The following NEGR1 variants were observed in gnomAD, a reference collection of about 807,000 sequenced individuals.
The protein encoded by NEGR1 is IgLON family member 4.
Under a neutral mutation model 40.9 loss-of-function variants are expected in NEGR1, and 10 were observed. That is an observed-to-expected ratio of 0.24 (90% CI 0.15 to 0.42). The LOEUF (loss-of-function observed/expected upper bound fraction) is 0.42, where lower values mean the gene tolerates loss of function less well. NEGR1 is among the 10% of genes least tolerant of loss of function. The pLI is 1.00. For synonymous variants in NEGR1, 185 were observed against 166.8 expected (o/e 1.11, Z -0.84); for missense variants, 352 against 438.9 (o/e 0.80, Z 1.77).
At chr1:71,739,897 A>G (rs1655162071) in intron 3 of NEGR1, among the ~76,000 whole-genome samples, 1 of 152,210 alleles carries the variant, frequency 6.6e-6, no homozygotes, top group Non-Finnish European at 1.5e-5. Flanking sequence ...AACAAAGTCT[A>G]GAATCTCTAC....
intron 4 of NEGR1, among the ~76,000 whole-genome samples, chr1:71,640,377 A>T (rs879802789): frequency 6.6e-6 from 1 of 152,076 alleles, no homozygotes; most frequent in Non-Finnish European, 1.5e-5. Context: ...ATGCATTGAT[A>T]TCTCAGAGTG....
intron 1 of NEGR1, among the ~76,000 whole-genome samples, chr1:72,229,063 T>G (rs1255610495): frequency 1.3e-5 from 2 of 152,040 alleles, no homozygotes; most frequent in Admixed American, 6.6e-5. Flanking sequence ...TCAGTAAAAT[T>G]AAATTCCAAA....
intron 1 of NEGR1, among the ~76,000 whole-genome samples, chr1:72,117,716 T>C (rs541418452): frequency 1.1e-3 from 170 of 151,868 alleles, no homozygotes; most frequent in African/African-American, 3.7e-3. Context: ...AAAATAAATA[T>C]CTCTTTTTGG....
chr1:72,072,682 C>G (rs115647622), intron 1 of NEGR1, among the ~76,000 whole-genome samples: 1 of 152,036 alleles, frequency 6.6e-6, no homozygotes, highest in Non-Finnish European at 1.5e-5. Context: ...CTCTGTGTAA[C>G]ACAAAGGCTG....
intron 1 of NEGR1, among the ~76,000 whole-genome samples, chr1:72,025,809 C>G (rs1553131735): frequency 1.3e-5 from 2 of 152,074 alleles, no homozygotes; most frequent in Non-Finnish European, 1.5e-5. Context: ...AGCAGCCTTA[C>G]TTTTAAGAAA....
intron 6 of NEGR1, among the ~76,000 whole-genome samples, chr1:71,493,211 C>G (rs979082975): frequency 6.6e-6 from 1 of 152,238 alleles, no homozygotes; most frequent in Admixed American, 6.6e-5. Flanking sequence ...AATCCAGGCT[C>G]TCCCTCATCT....
intron 3 of NEGR1, among the ~76,000 whole-genome samples, chr1:71,703,973 G>T (rs1014776728): frequency 6.6e-6 from 1 of 151,650 alleles, no homozygotes; most frequent in Non-Finnish European, 1.5e-5. Flanking sequence ...AGTAGACAAA[G>T]AAATAAAAAT....
chr1:72,203,346 A>T (rs1653281466), intron 1 of NEGR1, among the ~76,000 whole-genome samples: 1 of 152,110 alleles, frequency 6.6e-6, no homozygotes, highest in South Asian at 2.1e-4. Context: ...GACTTTGAGC[A>T]GTTCAAATCT....
intron 6 of NEGR1, among the ~76,000 whole-genome samples, chr1:71,472,069 G>A: frequency 6.6e-6 from 1 of 152,086 alleles, no homozygotes. Context: ...TTTCAGTTTA[G>A]TTTTCACTAG....
Position 72,052,811 on chromosome 1 carries a change from C to T in NEGR1, c.177-117500G>A, listed in dbSNP as rs1647074807. On this transcript the variant is annotated intron_variant, in intron 1 of 6. Transcript: ENST00000357731. ...AATGCATGCTAATTTATTACATAGA[C>T]TTTATGAACAATTTTTCATTTCTGT... Among the ~76,000 whole-genome samples the T allele has an allele frequency of 2.0e-5, 3 of 151,360 alleles. No individual in the cohort carries two copies. The Admixed American group carries it at 2.0e-4, about 10-fold the overall frequency.
intron 2 of NEGR1, among the ~76,000 whole-genome samples, chr1:71,886,271 A>T (rs1570467631): frequency 1.3e-5 from 2 of 152,166 alleles, no homozygotes; most frequent in East Asian, 3.8e-4. Flanking sequence ...CCTAATAAAA[A>T]TGGTAAATGA....
chr1:71,754,144 A>G (rs540497555), intron 3 of NEGR1, among the ~76,000 whole-genome samples: 1 of 152,288 alleles, frequency 6.6e-6, no homozygotes, highest in East Asian at 1.9e-4. Context: ...AGTGACAGGA[A>G]AGGCTCCAGT....
intron 1 of NEGR1, among the ~76,000 whole-genome samples, chr1:72,206,326 A>G (rs1051674729): frequency 2.2e-4 from 34 of 152,044 alleles, no homozygotes; most frequent in African/African-American, 8.2e-4. Flanking sequence ...GAAAACACAA[A>G]TAACTTTAAC....
intron 6 of NEGR1, among the ~76,000 whole-genome samples, chr1:71,451,249 T>G (rs1436110580): frequency 2.6e-5 from 4 of 152,186 alleles, no homozygotes; most frequent in African/African-American, 7.2e-5. Flanking sequence ...GTTCTGAGGT[T>G]TTTTTACTTT....
At chr1:72,223,547 T>A (rs969491926) in intron 1 of NEGR1, among the ~76,000 whole-genome samples, 26 of 152,204 alleles carry the variant, frequency 1.7e-4, no homozygotes, top group African/African-American at 6.0e-4. Flanking sequence ...GCCGTGACTA[T>A]AATTCCACTA....
chr1:71,982,990 A>G (rs1646366507), intron 1 of NEGR1, among the ~76,000 whole-genome samples: 1 of 152,156 alleles, frequency 6.6e-6, no homozygotes, highest in Non-Finnish European at 1.5e-5. Flanking sequence ...TAATCATTGT[A>G]GTTCTTATGA....
intron 1 of NEGR1, among the ~76,000 whole-genome samples, chr1:71,981,489 T>C (rs1274297764): frequency 6.6e-6 from 1 of 152,074 alleles, no homozygotes; most frequent in Non-Finnish European, 1.5e-5. Context: ...TGAAGATATA[T>C]TTTGAGATGT....
intron 1 of NEGR1, among the ~76,000 whole-genome samples, chr1:72,036,175 C>T (rs1480747462): frequency 1.3e-5 from 2 of 152,114 alleles, no homozygotes; most frequent in Non-Finnish European, 2.9e-5. Flanking sequence ...GAGGCAATGC[C>T]TTTGGAAGAG....
intron 3 of NEGR1, among the ~76,000 whole-genome samples, chr1:71,755,196 T>G (rs1655691438): frequency 1.3e-5 from 2 of 152,246 alleles, no homozygotes; most frequent in South Asian, 4.1e-4. Flanking sequence ...GCCAGAAAAC[T>G]AAGAGGCATT....
Sources: gnomAD v4.1 joint callset for allele counts (sites outside exome capture counted in the v4.1 genomes callset) on GRCh38, gnomAD v4.1.1 for gene constraint, MANE v1.5 for transcripts, NCBI Gene and HGNC (gene_info 2026-07-23, HGNC 2026-07-21) for gene names.